Variants in ZNF772 observed in about 807,000 individuals in gnomAD.
The protein encoded by ZNF772 is zinc finger protein 772.
In ZNF772, 8 loss-of-function variants were observed where a neutral mutation model predicts 11.0. That is an observed-to-expected ratio of 0.73 (90% CI 0.43 to 1.31). ZNF772 has a LOEUF of 1.31. Among genes scored for constraint, ZNF772 ranks in the 50% most tolerant of loss-of-function variants. The pLI is 0.01. For synonymous variants in ZNF772, 155 were observed against 180.4 expected (o/e 0.86, Z 1.13); for missense variants, 496 against 552.3 (o/e 0.90, Z 1.02).
chr19:57,476,742 A>G lies in ZNF772; in HGVS notation c.34-70T>C, dbSNP rs995185279. On this transcript the variant is annotated intron_variant, in intron 1 of 3. Transcript: ENST00000356584. ...AACCCCAAAGGCTCAACCCCATCCC[A>G]TATTCCTACCCAGTTACAATGTGCC... 4.3e-6 allele frequency: 6 copies of G among 1,381,878 alleles called. No individual in the cohort carries two copies. In the African/African-American group the frequency reaches 5.8e-5, roughly 13 times the overall value. 85.6% of individuals were successfully genotyped at this position (1,381,878 alleles called of 1,614,324 possible). A position where few individuals can be genotyped will look rare whatever the true frequency, so the allele number is the denominator to read the frequency against.
Position 57,475,821 on chromosome 19 carries a change from C to CATCT in ZNF772, c.73-39_73-36dup, listed in dbSNP as rs2089277662. On this transcript the variant is annotated intron_variant, in intron 2 of 3. Transcript: ENST00000356584. The surrounding 1 kb of genome is among the most constrained non-coding windows in gnomAD (Gnocchi z 4.2). ...TCAGGAGAGCCAAGTCCATGAGCAG[C>CATCT]ATCTCTCCCAAGAACCCCCATCCGT... is the stretch of plus-strand genomic sequence containing the variant. 1 of 1,568,650 alleles carries CATCT rather than the reference C, an allele frequency of 6.4e-7. No homozygotes were observed. Among genetic ancestry groups the CATCT allele is most frequent in the East Asian group, 2.2e-5 (1 of 44,522 alleles).
rs894202648 is a variant in ZNF772 at position 57,475,461 on chromosome 19, G to A, written c.199+199C>T. 1.3e-5 allele frequency among the ~76,000 whole-genome samples: 2 copies of A among 152,352 alleles called. No homozygotes were observed. Among genetic ancestry groups the A allele is most frequent in the South Asian group, 4.1e-4 (2 of 4,824 alleles). Reference sequence around the variant, plus strand: ...TGAATCCATGCCTGCAAGGCTCTGAGACAGCAAGCGCTGGGAATGCTCAAA... The same window carrying A: ...TGAATCCATGCCTGCAAGGCTCTGAAACAGCAAGCGCTGGGAATGCTCAAA... On this transcript the variant is annotated intron_variant, in intron 3 of 3. Transcript: ENST00000356584. The surrounding 1 kb of genome is among the most constrained non-coding windows in gnomAD (Gnocchi z 4.2).
chr19:57,476,782 C>T (rs1189228763), intron 1 of ZNF772, 110 bp from the exon 2 acceptor site: 3 of 950,898 alleles, frequency 3.2e-6, no homozygotes, highest in Non-Finnish European at 4.7e-6. Context: ...AGCTGAATGT[C>T]TACCCTCTGT....
Position 57,473,419 on chromosome 19 carries a change from G to A in ZNF772, c.1202C>T (p.Ala401Val). 1 of 1,613,800 alleles carries A rather than the reference G, an allele frequency of 6.2e-7. No homozygotes were observed. The highest frequency in any genetic ancestry group is 8.5e-7 in the Non-Finnish European group (1 of 1,179,952). The stretch of plus-strand genomic sequence containing the variant: ...AACAAGTACATGTTTGTGGCTAAAG[G>A]CTTTTCCACATTCACTGCACACATA... ...KPYVCSECGK[A>V]FSHKHVLVQH... Residue 401 changes from alanine to valine, a missense_variant, in exon 4 of 4, where the codon GCC becomes GTC. By Grantham distance (64) the Ala-to-Val change is moderately conservative (BLOSUM62 0). Coordinates refer to ENST00000356584, the MANE Select transcript of ZNF772 (RefSeq NM_001144068.2).
rs184861513 is a variant in ZNF772, at chr19:57,474,029, C to T, written c.592G>A (p.Glu198Lys). 1.5e-5 allele frequency: 25 copies of T among 1,614,076 alleles called. No individual in the cohort carries two copies. In the Admixed American group the frequency reaches 2.3e-4, roughly 15 times the overall value. Residue 198 changes from glutamate to lysine, a missense_variant, in exon 4 of 4, where the codon GAG (glutamate) becomes AAG (lysine). Coordinates refer to ENST00000356584, the MANE Select transcript of ZNF772 (RefSeq NM_001144068.2). ...KDFLASSSIFEHHAPHNEWKP... is the reference protein window; with the variant it reads ...KDFLASSSIFKHHAPHNEWKP... Reference sequence around the variant, plus strand: ...CACTCATTGTGAGGGGCATGGTGCTCGAAAATGCTTGAGCTGGCTAGGAAG... The same window carrying T: ...CACTCATTGTGAGGGGCATGGTGCTTGAAAATGCTTGAGCTGGCTAGGAAG...
chr19:57,474,197 AG>A lies in ZNF772; in HGVS notation c.423del (p.Phe142SerfsTer28). On this transcript the variant is annotated frameshift_variant, in exon 4 of 4. Coordinates refer to ENST00000356584, the MANE Select transcript of ZNF772 (RefSeq NM_001144068.2). LOFTEE classifies it low-confidence loss of function (END_TRUNC). ...TGGTGCTGGTGAAGGTTTGCACTGA[AG>A]CAGAACTGTTTCCCACACAGCACAC... ...YMCVLCGKQF[C>X]FSANLHQHQK... The A allele has an allele frequency of 6.2e-7, 1 of 1,614,110 alleles. No individual in the cohort carries two copies. Among genetic ancestry groups the A allele is most frequent in the East Asian group, 2.2e-5 (1 of 44,866 alleles).
rs778771407 is a variant in ZNF772, at chr19:57,475,671, A to G, written c.188T>C (p.Met63Thr). Residue 63 changes from methionine to threonine, a missense_variant, in exon 3 of 4, where the codon ATG becomes ACG. Met to Thr is a moderately conservative substitution (Grantham distance 81). Transcript: ENST00000356584. This position sits in a 1 kb window ranked among gnomAD's most constrained non-coding sequence, Gnocchi z 4.2. ...TGTGACGGCCTTACCCAGAGAGGCC[A>G]TAAGTGCAAAGTTCTCCAGCATCAC... ...RDVMLENFAL[M>T]ASLGCWHGME... 2.7e-5 allele frequency: 44 copies of G among 1,613,892 alleles called. No homozygotes were observed. Among genetic ancestry groups the G allele is most frequent in the Admixed American group, 3.3e-5 (2 of 60,006 alleles).
chr19:57,476,496 T>G, intron 2 of ZNF772, 138 bp downstream of exon 2: 1 of 1,065,930 alleles, frequency 9.4e-7, no homozygotes, highest in Non-Finnish European at 1.4e-6. Flanking sequence ...GTCAGGACCC[T>G]GGGCTTGGGG....
In ZNF772 at chr19:57,473,759, T is replaced by C; in HGVS notation, c.862A>G (p.Lys288Glu). The C allele has an allele frequency of 1.9e-6, 3 of 1,614,216 alleles. No individual in the cohort carries two copies. Among genetic ancestry groups the C allele is most frequent in the Non-Finnish European group, 2.5e-6 (3 of 1,180,038 alleles). The stretch of plus-strand genomic sequence containing the variant: ...AGGTTAGAGCTATGATTAAAAACTT[T>C]CCCACATATGCCACACTCATAAGGC... ...EMPYECGICG[K>E]VFNHSSNLIV... The change falls in exon 4 of 4, where the codon AAA becomes GAA. Residue 288 changes from lysine to glutamate, a missense_variant. Physicochemically the swap from Lys to Glu is moderately conservative, Grantham distance 56. Transcript: ENST00000356584.
At chr19:57,474,932 G>A (rs2089264869) in intron 3 of ZNF772, 2 of 1,563,734 alleles carry the variant, frequency 1.3e-6, no homozygotes, top group South Asian at 1.2e-5. Flanking sequence ...AAGGCCAGTG[G>A]CCTTAGCACT....
chr19:57,470,892 T>C lies in ZNF772; in HGVS notation c.*2382A>G, dbSNP rs2123140507. 1 of 152,254 alleles carries C rather than the reference T, an allele frequency of 6.6e-6. No individual in the cohort carries two copies. The highest frequency in any genetic ancestry group is 3.4e-3 in the Middle Eastern group (1 of 294). 9.4% of individuals were successfully genotyped at this position (152,254 alleles called of 1,614,324 possible). A position where few individuals can be genotyped will look rare whatever the true frequency, so the allele number is the denominator to read the frequency against. The stretch of plus-strand genomic sequence containing the variant: ...GACAGACAGATGTATATATAACTAG[T>C]ATAGCCCTCCATCTACCATGGAAAT... On this transcript the variant is annotated 3_prime_UTR_variant, in exon 4 of 4. Coordinates refer to ENST00000356584, the MANE Select transcript of ZNF772 (RefSeq NM_001144068.2).
At chr19:57,474,594 T>C (rs1319033108) in intron 3 of ZNF772, among the ~76,000 whole-genome samples, 173 bp from the exon 4 acceptor site, 1 of 152,130 alleles carries the variant, frequency 6.6e-6, no homozygotes, top group East Asian at 1.9e-4. Context: ...GGCATCTAAA[T>C]GTCATAGAAT....
rs1406074761 is a variant in ZNF772 at position 57,472,168 on chromosome 19, C to T, written c.*1106G>A. On this transcript the variant is annotated 3_prime_UTR_variant, in exon 4 of 4. Coordinates refer to ENST00000356584, the MANE Select transcript of ZNF772 (RefSeq NM_001144068.2). ...TGTACCTTTAGAAGGGTCATATTCC[C>T]TATAGTTTGCTGCAGTTTTCTCATT... 1 of 456,064 alleles carries T rather than the reference C, an allele frequency of 2.2e-6. No homozygotes were observed. Among genetic ancestry groups the T allele is most frequent in the Non-Finnish European group, 4.4e-6 (1 of 226,864 alleles). 28.3% of individuals were successfully genotyped at this position (456,064 alleles called of 1,614,324 possible).
chr19:57,475,340 G>T lies in ZNF772; in HGVS notation c.199+320C>A, dbSNP rs1044368339. 1.3e-5 allele frequency among the ~76,000 whole-genome samples: 2 copies of T among 152,074 alleles called. No individual in the cohort carries two copies. The highest frequency in any genetic ancestry group is 4.8e-5 in the African/African-American group (2 of 41,378). ...GCTAAAGGAAGAGCGCAGAATCCCA[G>T]GCACAGAGGTGTCATGGATACAGAC... On this transcript the variant is annotated intron_variant, in intron 3 of 3. Coordinates refer to ENST00000356584, the MANE Select transcript of ZNF772 (RefSeq NM_001144068.2). This position sits in a 1 kb window ranked among gnomAD's most constrained non-coding sequence, Gnocchi z 4.2.
chr19:57,471,188 C>G lies in ZNF772; in HGVS notation c.*2086G>C, dbSNP rs897957664. Reference sequence around the variant, plus strand: ...AAGAGCAGGAATACTTCCCAACTTACTCTATAAAGCTGGCATTATGCTGAT... The same window carrying G: ...AAGAGCAGGAATACTTCCCAACTTAGTCTATAAAGCTGGCATTATGCTGAT... On this transcript the variant is annotated 3_prime_UTR_variant, in exon 4 of 4. Transcript: ENST00000356584. The G allele has an allele frequency of 6.6e-6, 1 of 152,096 alleles. No individual in the cohort carries two copies. The highest frequency in any genetic ancestry group is 2.4e-5 in the African/African-American group (1 of 41,392). The allele number at this position is 152,096 out of a possible 1,614,324, so 9.4% of individuals were successfully genotyped here. A position where few individuals can be genotyped will look rare whatever the true frequency, so the allele number is the denominator to read the frequency against.
Position 57,475,009 on chromosome 19 carries a change from C to T in ZNF772, c.200-588G>A. On this transcript the variant is annotated intron_variant, in intron 3 of 3. Transcript: ENST00000356584. The surrounding 1 kb of genome is among the most constrained non-coding windows in gnomAD (Gnocchi z 4.2). ...CCCAGCCCTGACATCACACCTTTCC[C>T]CAGCTCCTACTCACCAGGGTCACTC... 2 of 1,614,024 alleles carry T rather than the reference C, an allele frequency of 1.2e-6. No individual in the cohort carries two copies. Among genetic ancestry groups the T allele is most frequent in the South Asian group, 1.1e-5 (1 of 91,056 alleles).
At position 57,472,556 on chromosome 19, in the gene ZNF772, C is replaced by T. The variant is rs1217186015; in HGVS notation, c.*718G>A. 3 of 179,506 alleles carry T rather than the reference C, an allele frequency of 1.7e-5. No homozygotes were observed. Among genetic ancestry groups the T allele is most frequent in the Non-Finnish European group, 3.5e-5 (3 of 85,152 alleles). 11.1% of individuals were successfully genotyped at this position (179,506 alleles called of 1,614,324 possible). On this transcript the variant is annotated 3_prime_UTR_variant, in exon 4 of 4. Coordinates refer to ENST00000356584, the MANE Select transcript of ZNF772 (RefSeq NM_001144068.2). ...GCTTGACACTAGCATAAGAGCTAGT[C>T]TTTGCCATCCTACTATCACTTCAGA... is the stretch of plus-strand genomic sequence containing the variant.
In ZNF772 at chr19:57,471,257, AAAGC is replaced by A. The variant is rs1406222403; in HGVS notation, c.*2013_*2016del. ...CAAGATATAAAATTACAAAGAAAAA[AAAGC>A]AAGCAAGCAAGAAAGAAAGTTAGGG... On this transcript the variant is annotated 3_prime_UTR_variant, in exon 4 of 4. Transcript: ENST00000356584. 6.6e-6 allele frequency: 1 copy of A among 152,242 alleles called. No homozygotes were observed. The highest frequency in any genetic ancestry group is 1.5e-5 in the Non-Finnish European group (1 of 68,054). The allele number at this position is 152,242 out of a possible 1,614,324, so 9.4% of individuals were successfully genotyped here.
At position 57,472,291 on chromosome 19, in the gene ZNF772, G is replaced by C. The variant is rs950697656; in HGVS notation, c.*983C>G. 2.5e-6 allele frequency: 1 copy of C among 406,710 alleles called. No homozygotes were observed. Among genetic ancestry groups the C allele is most frequent in the Non-Finnish European group, 4.9e-6 (1 of 205,734 alleles). 25.2% of individuals were successfully genotyped at this position (406,710 alleles called of 1,614,324 possible). Reference sequence around the variant, plus strand: ...TGCCTACTGAAAAATAGACTTCAGAGATCTTGACATGTCCACTGAGTTCAA... The same window carrying C: ...TGCCTACTGAAAAATAGACTTCAGACATCTTGACATGTCCACTGAGTTCAA... On this transcript the variant is annotated 3_prime_UTR_variant, in exon 4 of 4. Transcript: ENST00000356584.
Sources: allele counts gnomAD v4.1 joint callset (sites outside exome capture counted in the v4.1 genomes callset), GRCh38; gene constraint gnomAD v4.1.1; non-coding constraint Gnocchi (gnomAD v3.1); transcripts MANE v1.5; gene names NCBI Gene and HGNC (gene_info 2026-07-23, HGNC 2026-07-21).